Variants in KIF16B observed in about 807,000 individuals in gnomAD.
KIF16B encodes kinesin family member 16B.
Under a neutral mutation model 156.3 loss-of-function variants are expected in KIF16B, and 98 were observed. The ratio of observed to expected loss-of-function variants is 0.63; its 90% CI spans 0.53 to 0.74. The LOEUF (loss-of-function observed/expected upper bound fraction) is 0.74, where lower values mean the gene tolerates loss of function less well. Among genes scored for constraint, KIF16B ranks in the 30% least tolerant of loss-of-function variants. The pLI is 0.00. For missense variants in KIF16B, 1,421 were observed against 1,606.5 expected (o/e 0.88, Z 1.97); for synonymous variants, 564 against 583.7 (o/e 0.97, Z 0.49).
intron 17 of KIF16B, among the ~76,000 whole-genome samples, chr20:16,383,659 GT>G (rs1463603171): frequency 6.6e-6 from 1 of 152,200 alleles, no homozygotes; most frequent in Non-Finnish European, 1.5e-5. Flanking sequence ...AGGATTCCAA[GT>G]TGGTATCTTC....
chr20:16,367,223 C>G (rs142402240), intron 22 of KIF16B: 1 of 1,612,756 alleles, frequency 6.2e-7, no homozygotes, highest in Non-Finnish European at 8.5e-7. Context: ...ACCTCAGGTG[C>G]GACATTCTGA....
In KIF16B at chr20:16,406,580, C is replaced by G. The variant is rs2065792632; in HGVS notation, c.1613-124G>C. On this transcript the variant is annotated intron_variant, in intron 15 of 25. Transcript: ENST00000354981. Reference sequence around the variant, plus strand: ...TGTATTATAAAATAATAAGGGAAAGCTTTAGTCTCAAAAGTCTGCTTACTT... The same window carrying G: ...TGTATTATAAAATAATAAGGGAAAGGTTTAGTCTCAAAAGTCTGCTTACTT... The G allele has an allele frequency of 1.8e-5, 16 of 872,864 alleles. 1 individual carries two copies. In the South Asian group the frequency reaches 2.6e-4, roughly 14 times the overall value. 54.1% of individuals were successfully genotyped at this position (872,864 alleles called of 1,614,324 possible). A position where few individuals can be genotyped will look rare whatever the true frequency, so the allele number is the denominator to read the frequency against.
intron 24 of KIF16B, among the ~76,000 whole-genome samples, chr20:16,323,002 C>T (rs1307256555): frequency 6.6e-6 from 1 of 152,016 alleles, no homozygotes; most frequent in Non-Finnish European, 1.5e-5. Flanking sequence ...CCTTGCCTAT[C>T]TTTTATGATT....
intron 25 of KIF16B, among the ~76,000 whole-genome samples, chr20:16,283,973 C>T (rs2063185241): frequency 6.6e-6 from 1 of 152,184 alleles, no homozygotes; most frequent in Non-Finnish European, 1.5e-5. Context: ...TGGCACCCAG[C>T]CTCCACCACA....
chr20:16,409,967 A>ATATATATGTTGG (rs1555877397), intron 15 of KIF16B, among the ~76,000 whole-genome samples: 1 of 30,140 alleles, frequency 3.3e-5, no homozygotes, highest in African/African-American at 1.5e-4. Context: ...ATATATATAT[A>ATATATATGTTGG]TACATATATA....
chr20:16,500,035 T>C (rs578039439), intron 10 of KIF16B, among the ~76,000 whole-genome samples: 1 of 152,250 alleles, frequency 6.6e-6, no homozygotes, highest in Non-Finnish European at 1.5e-5. Flanking sequence ...CAAGCACCCC[T>C]TGCCTCACAC....
chr20:16,323,264 C>G (rs1275065407), intron 24 of KIF16B, among the ~76,000 whole-genome samples: 1 of 151,994 alleles, frequency 6.6e-6, no homozygotes, highest in East Asian at 1.9e-4. Flanking sequence ...TTGGTCAAAT[C>G]TGCTATAACC....
intron 1 of KIF16B, among the ~76,000 whole-genome samples, chr20:16,564,302 T>C (rs2071172459): frequency 6.6e-6 from 1 of 152,222 alleles, no homozygotes; most frequent in African/African-American, 2.4e-5. Flanking sequence ...CCATGGTGTA[T>C]ATGTGCCACA....
chr20:16,485,240 GC>G, intron 12 of KIF16B, among the ~76,000 whole-genome samples: 1 of 152,130 alleles, frequency 6.6e-6, no homozygotes, highest in East Asian at 1.9e-4. Context: ...CAACTCCAGG[GC>G]ATGAGTGAAG....
chr20:16,298,163 G>A (rs1394528314), intron 25 of KIF16B, among the ~76,000 whole-genome samples: 1 of 152,152 alleles, frequency 6.6e-6, no homozygotes, highest in Non-Finnish European at 1.5e-5. Flanking sequence ...GAATATACTG[G>A]AACAAGGCTG....
At chr20:16,329,167 G>T (rs1482610610) in intron 24 of KIF16B, among the ~76,000 whole-genome samples, 1 of 152,118 alleles carries the variant, frequency 6.6e-6, no homozygotes, top group African/African-American at 2.4e-5. Flanking sequence ...AAGCTAGGGG[G>T]ATACTAGCTC....
intron 12 of KIF16B, among the ~76,000 whole-genome samples, chr20:16,467,089 A>G (rs1190009548): frequency 1.3e-5 from 2 of 152,208 alleles, no homozygotes; most frequent in Non-Finnish European, 2.9e-5. Context: ...AGATTTTACC[A>G]GAGCCTAACC....
intron 24 of KIF16B, among the ~76,000 whole-genome samples, chr20:16,327,571 A>G (rs147301226): frequency 5.3e-4 from 81 of 152,276 alleles, no homozygotes; most frequent in African/African-American, 1.8e-3. Flanking sequence ...CTGAGCCCCA[A>G]GTCAGATTTA....
intron 12 of KIF16B, among the ~76,000 whole-genome samples, chr20:16,484,273 A>G (rs369848625): frequency 4.6e-5 from 7 of 152,202 alleles, no homozygotes; most frequent in African/African-American, 1.7e-4. Context: ...ACTGCAATGG[A>G]AAATATGGTA....
intron 22 of KIF16B, among the ~76,000 whole-genome samples, chr20:16,358,246 T>A (rs1027920287): frequency 6.6e-6 from 1 of 152,152 alleles, no homozygotes; most frequent in Non-Finnish European, 1.5e-5. Context: ...CAGTCACACA[T>A]ACACCTGTGA....
intron 12 of KIF16B, among the ~76,000 whole-genome samples, chr20:16,488,947 T>G (rs1227149372): frequency 6.6e-6 from 1 of 152,192 alleles, no homozygotes; most frequent in Non-Finnish European, 1.5e-5. Flanking sequence ...GGGTATCAAA[T>G]GTATCAGACA....
chr20:16,519,565 G>A (rs1192464305), intron 3 of KIF16B, among the ~76,000 whole-genome samples: 2 of 152,150 alleles, frequency 1.3e-5, no homozygotes, highest in Non-Finnish European at 2.9e-5. Flanking sequence ...TGCACACAGA[G>A]AACTGGGGAT....
intron 25 of KIF16B, among the ~76,000 whole-genome samples, chr20:16,275,245 G>A (rs748490153): frequency 4.6e-5 from 7 of 151,862 alleles, no homozygotes; most frequent in African/African-American, 1.7e-4. Flanking sequence ...TAGTAGAGAC[G>A]GGGTTTCACC....
At chr20:16,508,237 G>A (rs1016910428) in intron 6 of KIF16B, 137 bp from the exon 7 acceptor site, 56 of 987,086 alleles carry the variant, frequency 5.7e-5, no homozygotes, top group Non-Finnish European at 7.5e-5. Context: ...TCTCTAGGGT[G>A]GTGGTATGTA....
Sources: gnomAD v4.1 joint callset for allele counts (sites outside exome capture counted in the v4.1 genomes callset) on GRCh38, gnomAD v4.1.1 for gene constraint, MANE v1.5 for transcripts, NCBI Gene and HGNC (gene_info 2026-07-23, HGNC 2026-07-21) for gene names.